Variants in RBFOX1 observed in about 807,000 individuals in gnomAD.
RBFOX1 encodes the protein RNA binding protein fox-1 homolog 1.
Under a neutral mutation model 57.7 loss-of-function variants are expected in RBFOX1, and 8 were observed. The observed-to-expected ratio is 0.14, with a 90% CI of 0.08 to 0.25. RBFOX1 has a LOEUF of 0.25. Ranked by LOEUF, RBFOX1 falls within the 10% of genes least tolerant of loss-of-function variation. The pLI is 1.00. For missense variants in RBFOX1, 611 were observed against 548.5 expected, an observed-to-expected ratio of 1.11 and a Z score of -1.14; for synonymous variants, 326 against 222.4, an observed-to-expected ratio of 1.47 and a Z score of -4.15.
chr16:7,544,472 A>C (rs1264269877), intron 5 of RBFOX1, among the ~76,000 whole-genome samples: 1 of 152,226 alleles, frequency 6.6e-6, no homozygotes, highest in East Asian at 1.9e-4. Context: ...CCCTGAATTC[A>C]ATGAGTGTTG....
chr16:5,550,887 C>T (rs955258620), intron 2 of RBFOX1, among the ~76,000 whole-genome samples: 3 of 152,140 alleles, frequency 2.0e-5, no homozygotes, highest in African/African-American at 7.2e-5. Flanking sequence ...GAATGCAGGA[C>T]TGATCTTTAA....
intron 1 of RBFOX1, among the ~76,000 whole-genome samples, chr16:5,401,782 C>T (rs1352622437): frequency 6.7e-6 from 1 of 150,348 alleles, no homozygotes; most frequent in Non-Finnish European, 1.5e-5. Context: ...TCCTCCTCCT[C>T]CTCCTCCTCC....
chr16:7,253,777 C>T (rs1227610788), intron 4 of RBFOX1, among the ~76,000 whole-genome samples: 1 of 152,174 alleles, frequency 6.6e-6, no homozygotes, highest in Non-Finnish European at 1.5e-5. Context: ...CTCCTTGTGA[C>T]TGGGAGTTCA....
intron 4 of RBFOX1, among the ~76,000 whole-genome samples, chr16:7,170,022 C>T (rs1410626023): frequency 2.6e-5 from 4 of 152,050 alleles, no homozygotes; most frequent in East Asian, 1.9e-4. Flanking sequence ...TGCAGTGAAC[C>T]AAGATTGTGC....
At chr16:6,196,324 T>A (rs1237716116) in intron 1 of RBFOX1, among the ~76,000 whole-genome samples, 1 of 152,224 alleles carries the variant, frequency 6.6e-6, no homozygotes, top group Non-Finnish European at 1.5e-5. Context: ...TTACTGGATA[T>A]GTTATTTTGA....
At chr16:6,736,606 G>A (rs1038899309) in intron 3 of RBFOX1, among the ~76,000 whole-genome samples, 2 of 152,190 alleles carry the variant, frequency 1.3e-5, no homozygotes, top group Non-Finnish European at 2.9e-5. Context: ...TGTGAATTGT[G>A]CCACTATAAA....
At chr16:7,579,083 G>A (rs2058298) in intron 5 of RBFOX1, among the ~76,000 whole-genome samples, 48,388 of 152,140 alleles carry the variant, frequency 0.32, 8,919 homozygotes, top group East Asian at 0.53. Context: ...GTTCTTGAGC[G>A]CTTGAAATGC....
At chr16:6,634,653 C>T (rs1047781150) in intron 2 of RBFOX1, among the ~76,000 whole-genome samples, 3 of 95,068 alleles carry the variant, frequency 3.2e-5, no homozygotes, top group African/African-American at 6.5e-5. Context: ...TTATATAATA[C>T]AAATATATGT....
chr16:7,634,028 G>T (rs2061382530), intron 11 of RBFOX1, among the ~76,000 whole-genome samples: 2 of 152,240 alleles, frequency 1.3e-5, no homozygotes, highest in South Asian at 4.1e-4. Context: ...TTATATTCAT[G>T]GTCATCCAGG....
chr16:5,493,398 C>T (rs1272580456), intron 2 of RBFOX1, among the ~76,000 whole-genome samples: 3 of 152,094 alleles, frequency 2.0e-5, no homozygotes, highest in Non-Finnish European at 4.4e-5. Flanking sequence ...ACCCTCCGCA[C>T]CCTCTGTGTG....
intron 3 of RBFOX1, among the ~76,000 whole-genome samples, chr16:6,808,119 A>T (rs891045800): frequency 6.7e-6 from 1 of 149,450 alleles, no homozygotes; most frequent in Non-Finnish European, 1.5e-5. Flanking sequence ...ATGTAGCAAT[A>T]TGCATAGAAC....
At chr16:5,805,162 A>G (rs892314505) in intron 3 of RBFOX1, among the ~76,000 whole-genome samples, 11 of 152,078 alleles carry the variant, frequency 7.2e-5, no homozygotes, top group African/African-American at 2.7e-4. Context: ...TGGGTTATGG[A>G]TGGCACTATG....
intron 3 of RBFOX1, among the ~76,000 whole-genome samples, chr16:6,824,740 A>T (rs980707822): frequency 3.4e-4 from 51 of 152,212 alleles, no homozygotes; most frequent in African/African-American, 1.2e-3. Flanking sequence ...AAAAAGTCCA[A>T]AAGCTTTCTT....
intron 4 of RBFOX1, among the ~76,000 whole-genome samples, chr16:7,258,635 C>T (rs140717990): frequency 6.6e-6 from 1 of 152,138 alleles, no homozygotes; most frequent in Non-Finnish European, 1.5e-5. Context: ...AATATCCATC[C>T]TGTACTATAT....
chr16:7,249,890 C>T (rs949268545), intron 4 of RBFOX1, among the ~76,000 whole-genome samples: 1 of 152,142 alleles, frequency 6.6e-6, no homozygotes, highest in Non-Finnish European at 1.5e-5. Context: ...GTTAAATGAT[C>T]TCTTCAGAAA....
chr16:6,920,985 GA>G (rs1307869037), intron 3 of RBFOX1, among the ~76,000 whole-genome samples: 2 of 152,154 alleles, frequency 1.3e-5, no homozygotes, highest in African/African-American at 4.8e-5. Flanking sequence ...ATAGTTACTG[GA>G]TAAGTTTGCC....
chr16:6,106,178 C>G (rs551569554), intron 1 of RBFOX1, among the ~76,000 whole-genome samples: 10 of 152,002 alleles, frequency 6.6e-5, no homozygotes, highest in Non-Finnish European at 1.2e-4. Flanking sequence ...TAGTTTTGGC[C>G]GGGCCCAGTA....
At chr16:7,361,079 G>T (rs949068134) in intron 4 of RBFOX1, among the ~76,000 whole-genome samples, 13 of 152,186 alleles carry the variant, frequency 8.5e-5, no homozygotes, top group Non-Finnish European at 1.8e-4. Flanking sequence ...CCTGCTGGGG[G>T]TTTCTTGGCC....
intron 1 of RBFOX1, among the ~76,000 whole-genome samples, chr16:5,403,420 G>A (rs1312408713): frequency 2.0e-5 from 3 of 151,368 alleles, no homozygotes; most frequent in Admixed American, 6.6e-5. Context: ...GTAATGCACT[G>A]CTTGTAATAT....
Sources: allele counts gnomAD v4.1 joint callset (sites outside exome capture counted in the v4.1 genomes callset), GRCh38; gene constraint gnomAD v4.1.1; transcripts MANE v1.5; gene names NCBI Gene and HGNC (gene_info 2026-07-23, HGNC 2026-07-21).